The following ABCC11 variants were observed in gnomAD, a reference collection of about 807,000 sequenced individuals.
The protein encoded by ABCC11 is ATP-binding cassette sub-family C member 11.
ABCC11 carries 135 observed loss-of-function variants against 149.3 expected under a neutral mutation model. The ratio of observed to expected loss-of-function variants is 0.90; its 90% CI spans 0.79 to 1.04. The LOEUF is 1.04. Ranked by LOEUF, ABCC11 falls within the 50% of genes least tolerant of loss-of-function variation. The pLI, the probability that ABCC11 is intolerant of heterozygous loss-of-function variation, is 0.00. For synonymous variants in ABCC11, 665 were observed against 671.4 expected, an observed-to-expected ratio of 0.99 and a Z score of 0.15; for missense variants, 1,680 against 1,722.1, an observed-to-expected ratio of 0.98 and a Z score of 0.43.
intron 3 of ABCC11, among the ~76,000 whole-genome samples, chr16:48,228,618 A>AT (rs1467600184): frequency 1.3e-5 from 2 of 151,992 alleles, no homozygotes; most frequent in African/African-American, 2.4e-5. Flanking sequence ...AAAACTCAGT[A>AT]TTTTTTTCAC....
At chr16:48,242,904 TGGGGAGTGGG>T (rs1251199805) in intron 1 of ABCC11, among the ~76,000 whole-genome samples, 9 of 147,366 alleles carry the variant, frequency 6.1e-5, no homozygotes. Context: ...CGTTGGGTGG[TGGGGAGTGGG>T]GGGGAAGGGA....
At chr16:48,175,637 C>G (rs1385317049) in intron 25 of ABCC11, among the ~76,000 whole-genome samples, 1 of 152,182 alleles carries the variant, frequency 6.6e-6, no homozygotes, top group African/African-American at 2.4e-5. Flanking sequence ...ACACGTGGGG[C>G]CCCTGGATCA....
rs768117319 is a variant in ABCC11, at chr16:48,215,323, C to T, written c.973G>A (p.Val325Met). 1 of 1,613,866 alleles carries T rather than the reference C, an allele frequency of 6.2e-7. No homozygotes were observed. The part of the protein sequence containing the change: ...PLAVFMTRMA[V>M]KAQHHTSEVS... ...TCAGATGTGTGATGCTGAGCCTTCACAGCCATTCTTGTCATGAATACCTGG... is the reference window on the plus strand; with the variant it reads ...TCAGATGTGTGATGCTGAGCCTTCATAGCCATTCTTGTCATGAATACCTGG... Residue 325 changes from valine to methionine, a missense_variant, in exon 8 of 30, where the codon GTG (valine) becomes ATG (methionine). Physicochemically the swap from Val to Met is conservative, Grantham distance 21 (BLOSUM62 1). Transcript: ENST00000356608.
At position 48,208,348 on chromosome 16, in the gene ABCC11, C is replaced by A. The variant is rs1968620476; in HGVS notation, c.1680+77G>T. ...CTGTGAGGAAGAAAGCAGTGGGGGGCCCCGCCTGGGGCACTGGAGCTTGGG... is the reference window on the plus strand; with the variant it reads ...CTGTGAGGAAGAAAGCAGTGGGGGGACCCGCCTGGGGCACTGGAGCTTGGG... On this transcript the variant is annotated intron_variant, in intron 12 of 29. Coordinates refer to ENST00000356608, the MANE Select transcript of ABCC11 (RefSeq NM_001370497.1). The A allele has an allele frequency of 3.8e-6, 6 of 1,563,790 alleles. No individual in the cohort carries two copies. The Admixed American group carries it at 8.8e-5, about 23-fold the overall frequency.
rs936120310 is a variant in ABCC11 at position 48,205,325 on chromosome 16, G to A, written c.1805+88C>T. ...GTTTAAGTGGAGCACACAAGTGTTAGCAGTTGTCAGGTTACCGTTTGAAGC... is the reference window on the plus strand; with the variant it reads ...GTTTAAGTGGAGCACACAAGTGTTAACAGTTGTCAGGTTACCGTTTGAAGC... On this transcript the variant is annotated intron_variant, in intron 13 of 29. Coordinates refer to ENST00000356608, the MANE Select transcript of ABCC11 (RefSeq NM_001370497.1). 3.2e-6 allele frequency: 5 copies of A among 1,544,534 alleles called. No homozygotes were observed. In the African/African-American group the frequency reaches 6.8e-5, roughly 21 times the overall value.
rs553614099 is a variant in ABCC11 at position 48,166,653 on chromosome 16, C to T, written c.*621G>A. Among the ~76,000 whole-genome samples, 9 of 152,180 alleles carry T rather than the reference C, an allele frequency of 5.9e-5. No homozygotes were observed. The highest frequency in any genetic ancestry group is 1.9e-4 in the East Asian group (1 of 5,168). On this transcript the variant is annotated 3_prime_UTR_variant, in exon 30 of 30. Coordinates refer to ENST00000356608, the MANE Select transcript of ABCC11 (RefSeq NM_001370497.1). ...CAGCACTTTGGGAGGCCAAGGCAAG[C>T]GGATCACTTGAGATCAGCCTGGCCA...
chr16:48,233,277 T>C (rs1043194706), intron 1 of ABCC11, among the ~76,000 whole-genome samples: 4 of 152,246 alleles, frequency 2.6e-5, no homozygotes, highest in African/African-American at 9.6e-5. Flanking sequence ...CCCATTACTT[T>C]GTGAGAAGTT....
Position 48,227,791 on chromosome 16 carries a change from C to T in ABCC11, c.395+15G>A. 1 of 1,613,866 alleles carries T rather than the reference C, an allele frequency of 6.2e-7. No individual in the cohort carries two copies. The highest frequency in any genetic ancestry group is 8.5e-7 in the Non-Finnish European group (1 of 1,179,924). On this transcript the variant is annotated intron_variant, in intron 4 of 29. Coordinates refer to ENST00000356608, the MANE Select transcript of ABCC11 (RefSeq NM_001370497.1). ...TCTTTTAACCTATCCACTGGTTTGCCCAGCGCAGCTTCACCTTTGGACATT... is the reference window on the plus strand; with the variant it reads ...TCTTTTAACCTATCCACTGGTTTGCTCAGCGCAGCTTCACCTTTGGACATT...
intron 1 of ABCC11, chr16:48,232,178 A>G: frequency 1.1e-6 from 1 of 890,032 alleles, no homozygotes; most frequent in Non-Finnish European, 1.5e-6. Flanking sequence ...ACCCTCCCCA[A>G]CCCACCCCCA....
chr16:48,227,024 G>C (rs934248641), intron 4 of ABCC11, among the ~76,000 whole-genome samples: 1 of 152,140 alleles, frequency 6.6e-6, no homozygotes, highest in African/African-American at 2.4e-5. Context: ...TCATATTACC[G>C]TGTGTGGTGG....
Position 48,166,497 on chromosome 16 carries a change from A to C in ABCC11, c.*777T>G, listed in dbSNP as rs537338453. 3.3e-5 allele frequency among the ~76,000 whole-genome samples: 5 copies of C among 152,364 alleles called. No individual in the cohort carries two copies. Among genetic ancestry groups the C allele is most frequent in the Non-Finnish European group, 7.3e-5 (5 of 68,038 alleles). On this transcript the variant is annotated 3_prime_UTR_variant, in exon 30 of 30. Coordinates refer to ENST00000356608, the MANE Select transcript of ABCC11 (RefSeq NM_001370497.1). ...ACTTTTTCTGTATCTTTCTGTTACAAGACCAACAAACTCTTTTTTTTTTCC... is the reference window on the plus strand; with the variant it reads ...ACTTTTTCTGTATCTTTCTGTTACACGACCAACAAACTCTTTTTTTTTTCC...
At chr16:48,212,701 A>T (rs1218151343) in intron 10 of ABCC11, among the ~76,000 whole-genome samples, 2 of 152,216 alleles carry the variant, frequency 1.3e-5, no homozygotes, top group Admixed American at 1.3e-4. Context: ...CAGTATTCTC[A>T]GTGCCTGGCT....
At chr16:48,176,335 G>A (rs1305235401) in intron 25 of ABCC11, among the ~76,000 whole-genome samples, 1 of 152,108 alleles carries the variant, frequency 6.6e-6, no homozygotes, top group African/African-American at 2.4e-5. Context: ...AATGCAAAGA[G>A]GCAGAGGGAG....
rs143585912 is a variant in ABCC11, at chr16:48,166,456, C to T, written c.*818G>A. On this transcript the variant is annotated 3_prime_UTR_variant, in exon 30 of 30. Coordinates refer to ENST00000356608, the MANE Select transcript of ABCC11 (RefSeq NM_001370497.1). Reference sequence around the variant, plus strand: ...CCTCAAAACAGGCATCCTTTCATTCCGGCACCCAACCTTGAACTTTTTCTG... The same window carrying T: ...CCTCAAAACAGGCATCCTTTCATTCTGGCACCCAACCTTGAACTTTTTCTG... Among the ~76,000 whole-genome samples, 7 of 152,266 alleles carry T rather than the reference C, an allele frequency of 4.6e-5. No homozygotes were observed. The highest frequency in any genetic ancestry group is 3.4e-3 in the Middle Eastern group (1 of 294).
chr16:48,181,550 A>C (rs1224257820), intron 23 of ABCC11, among the ~76,000 whole-genome samples: 1 of 152,116 alleles, frequency 6.6e-6, no homozygotes. Context: ...AATTTACCCA[A>C]AGCCACACAG....
At chr16:48,205,880 G>A (rs573815994) in intron 12 of ABCC11, among the ~76,000 whole-genome samples, 139 of 149,294 alleles carry the variant, frequency 9.3e-4, no homozygotes, top group Non-Finnish European at 1.4e-3. Context: ...GCACGATTTC[G>A]GCTCACTGCA....
At chr16:48,225,055 A>G (rs543487873) in intron 4 of ABCC11, among the ~76,000 whole-genome samples, 1 of 151,114 alleles carries the variant, frequency 6.6e-6, no homozygotes, top group South Asian at 2.1e-4. Context: ...AAAAAAAAAT[A>G]GTAACAATAA....
chr16:48,185,102 G>A (rs1315288055), intron 22 of ABCC11, among the ~76,000 whole-genome samples: 1 of 152,162 alleles, frequency 6.6e-6, no homozygotes, highest in Admixed American at 6.5e-5. Context: ...CAGTAAAACC[G>A]AGACACCCGG....
intron 24 of ABCC11, among the ~76,000 whole-genome samples, chr16:48,177,736 C>G (rs1283873078): frequency 6.6e-6 from 1 of 152,228 alleles, no homozygotes; most frequent in African/African-American, 2.4e-5. Flanking sequence ...CTGCAAGCCA[C>G]AACTCCCCAT....
Sources: allele counts gnomAD v4.1 joint callset (sites outside exome capture counted in the v4.1 genomes callset), GRCh38; gene constraint gnomAD v4.1.1; transcripts MANE v1.5; gene names NCBI Gene and HGNC (gene_info 2026-07-23, HGNC 2026-07-21).